Variants in PLAT observed in about 807,000 individuals in gnomAD.
The protein encoded by PLAT is plasminogen activator, tissue type.
Under a neutral mutation model 74.9 loss-of-function variants are expected in PLAT, and 48 were observed. The ratio of observed to expected loss-of-function variants is 0.64; its 90% CI spans 0.51 to 0.82. The LOEUF (loss-of-function observed/expected upper bound fraction) is 0.82, where lower values mean the gene tolerates loss of function less well. PLAT is among the 40% of genes least tolerant of loss of function. The pLI is 0.00. For missense variants in PLAT, 673 were observed against 736.2 expected, an observed-to-expected ratio of 0.91 and a Z score of 0.99; for synonymous variants, 307 against 294.4, an observed-to-expected ratio of 1.04 and a Z score of -0.44.
In PLAT at chr8:42,180,041, C is replaced by T. The variant is rs754261914; in HGVS notation, c.1248G>A (p.Ser416=). 2 of 1,608,664 alleles carry T rather than the reference C, an allele frequency of 1.2e-6. No individual in the cohort carries two copies. Among genetic ancestry groups the T allele is most frequent in the Non-Finnish European group, 1.7e-6 (2 of 1,176,724 alleles). The stretch of plus-strand genomic sequence containing the variant: ...CGCTGCTCTCCTGGGCACAGCGGGA[C>T]GAATCCGATTTCAGCTGCAGCAGCG... ...DIALLQLKSD[S]SRCAQESSVV... Residue 416 remains serine (S), a synonymous_variant, in exon 12 of 14, where the codon TCG becomes TCA. Transcript: ENST00000220809.
At chr8:42,192,680 A>T (rs1197844375) in intron 2 of PLAT, among the ~76,000 whole-genome samples, 1 of 152,250 alleles carries the variant, frequency 6.6e-6, no homozygotes, top group Non-Finnish European at 1.5e-5. Flanking sequence ...GGGTGTGCAT[A>T]GGATATGCAA....
chr8:42,175,924 C>A lies in PLAT; in HGVS notation c.*69G>T. On this transcript the variant is annotated 3_prime_UTR_variant, in exon 14 of 14. Coordinates refer to ENST00000220809, the MANE Select transcript of PLAT (RefSeq NM_000930.5). ...GAGAAGTCTGTAGAGAAGCACTGCG[C>A]CTTTGCAGTGTCTTCTGAAGAAGAA... 6.6e-7 allele frequency: 1 copy of A among 1,505,124 alleles called. No homozygotes were observed. The highest frequency in any genetic ancestry group is 9.2e-7 in the Non-Finnish European group (1 of 1,088,866). The allele number at this position is 1,505,124 out of a possible 1,614,324, so 93.2% of individuals were successfully genotyped here. A position where few individuals can be genotyped will look rare whatever the true frequency, so the allele number is the denominator to read the frequency against.
chr8:42,184,153 C>T (rs1276944484), intron 7 of PLAT, among the ~76,000 whole-genome samples: 1 of 151,844 alleles, frequency 6.6e-6, no homozygotes, highest in Non-Finnish European at 1.5e-5. Context: ...GTTGCCCAGG[C>T]TGGTCTCAAA....
intron 3 of PLAT, 110 bp from the exon 4 acceptor site, chr8:42,189,181 TG>T: frequency 9.5e-7 from 1 of 1,047,534 alleles, no homozygotes; most frequent in South Asian, 1.4e-5. Flanking sequence ...TAGACTCCAT[TG>T]CATACTCCCT....
At chr8:42,193,009 C>T (rs1805744396) in intron 2 of PLAT, 105 bp downstream of exon 2, 3 of 779,010 alleles carry the variant, frequency 3.9e-6, no homozygotes, top group Non-Finnish European at 6.8e-6. Flanking sequence ...CTCTCTGCTC[C>T]CTGACAGCAT....
At chr8:42,181,143 A>G (rs1805223634) in intron 9 of PLAT, among the ~76,000 whole-genome samples, 1 of 152,242 alleles carries the variant, frequency 6.6e-6, no homozygotes, top group African/African-American at 2.4e-5. Context: ...GCTTAGGGAC[A>G]CGGACCACTG....
In PLAT at chr8:42,189,084, A is replaced by G. The variant is rs1290157693; in HGVS notation, c.116-13T>C. ...TCTCTGCAGATCACTATGAGAAAAG[A>G]CAGGCCAGCCTCATCAGAGTATGAC... On this transcript the variant is annotated splice_polypyrimidine_tract_variant and intron_variant, in intron 3 of 13. Coordinates refer to ENST00000220809, the MANE Select transcript of PLAT (RefSeq NM_000930.5). The G allele has an allele frequency of 6.2e-7, 1 of 1,611,132 alleles. No individual in the cohort carries two copies. The highest frequency in any genetic ancestry group is 1.7e-5 in the Admixed American group (1 of 59,996).
At chr8:42,180,931 G>A (rs1805216059) in intron 9 of PLAT, among the ~76,000 whole-genome samples, 1 of 152,180 alleles carries the variant, frequency 6.6e-6, no homozygotes, top group South Asian at 2.1e-4. Context: ...TCCAAAACTG[G>A]GGATCTGCCA....
rs761504328 is a variant in PLAT, at chr8:42,181,991, G to A, written c.835C>T (p.His279Tyr). Residue 279 changes from histidine (H) to tyrosine (Y), a missense_variant, in exon 9 of 14, where the codon CAC (histidine) becomes TAC (tyrosine). Physicochemically the swap from His to Tyr is moderately conservative, Grantham distance 83. Coordinates refer to ENST00000220809, the MANE Select transcript of PLAT (RefSeq NM_000930.5). ...GTCAGCCTGCGGTTCTTCAGCACGTGGCACCAGGGCTTGGCATCCCCATCA... is the reference window on the plus strand; with the variant it reads ...GTCAGCCTGCGGTTCTTCAGCACGTAGCACCAGGGCTTGGCATCCCCATCA... ...NPDGDAKPWC[H>Y]VLKNRRLTWE... 1 of 1,611,438 alleles carries A rather than the reference G, an allele frequency of 6.2e-7. No homozygotes were observed. Among genetic ancestry groups the A allele is most frequent in the South Asian group, 1.1e-5 (1 of 91,016 alleles).
intron 13 of PLAT, 24 bp downstream of exon 13, chr8:42,178,873 C>G: frequency 6.2e-7 from 1 of 1,609,786 alleles, no homozygotes; most frequent in Non-Finnish European, 8.5e-7. Flanking sequence ...TTGTGCCCAG[C>G]ATGGGCGCGC....
In PLAT at chr8:42,176,122, C is replaced by G; in HGVS notation, c.1560G>C (p.Leu520=). ...QGDSGGPLVC[L]NDGRMTLVGI... ...CCACCAAAGTCATGCGGCCATCGTT[C>G]AGACACACCAGGGGGCCTCCCGAAT... The change falls in exon 14 of 14, where the codon CTG becomes CTC. Residue 520 remains leucine, a synonymous_variant. Coordinates refer to ENST00000220809, the MANE Select transcript of PLAT (RefSeq NM_000930.5). 7.4e-6 allele frequency: 12 copies of G among 1,613,946 alleles called. No homozygotes were observed. The highest frequency in any genetic ancestry group is 1.0e-5 in the Non-Finnish European group (12 of 1,179,924).
chr8:42,180,171 A>C, intron 11 of PLAT, 71 bp downstream of exon 11: 1 of 1,599,742 alleles, frequency 6.3e-7, no homozygotes, highest in Non-Finnish European at 8.5e-7. Context: ...CGTGTGTGTA[A>C]ACATAGGTGA....
At position 42,199,182 on chromosome 8, in the gene PLAT, G is replaced by A. The variant is rs146943208; in HGVS notation, c.-26-5971C>T. Among the ~76,000 whole-genome samples the A allele has an allele frequency of 1.8e-3, 272 of 152,306 alleles. 2 individuals are homozygous for A. Among genetic ancestry groups the A allele is most frequent in the African/African-American group, 5.9e-3 (245 of 41,558 alleles). ...TCACATAAGTAATTCTTAACTTTTCGAAAAGGTGATTTTCTATAGGCTAAA... is the reference window on the plus strand; with the variant it reads ...TCACATAAGTAATTCTTAACTTTTCAAAAAGGTGATTTTCTATAGGCTAAA... On this transcript the variant is annotated intron_variant, in intron 1 of 13. Transcript: ENST00000220809.
At chr8:42,187,349 T>C (rs1410228839) in intron 6 of PLAT, 49 bp downstream of exon 6, 1 of 1,479,142 alleles carries the variant, frequency 6.8e-7, no homozygotes, top group Non-Finnish European at 9.1e-7. Flanking sequence ...TTTCCCCAGC[T>C]GTAGCAGCTT....
chr8:42,185,003 AG>A, intron 7 of PLAT, 77 bp downstream of exon 7: 1 of 910,822 alleles, frequency 1.1e-6, no homozygotes, highest in East Asian at 2.6e-5. Flanking sequence ...CCTCAGGTGC[AG>A]GAGGGCTATC....
chr8:42,201,284 T>C (rs1806120023), intron 1 of PLAT, among the ~76,000 whole-genome samples: 2 of 152,248 alleles, frequency 1.3e-5, no homozygotes, highest in Non-Finnish European at 2.9e-5. Flanking sequence ...TCCTGGTTTT[T>C]GTCATGGGCT....
chr8:42,190,612 T>G (rs775470508), intron 3 of PLAT, among the ~76,000 whole-genome samples: 3 of 152,144 alleles, frequency 2.0e-5, no homozygotes, highest in Non-Finnish European at 4.4e-5. Context: ...ACGAAGGCAT[T>G]AAGAGTCCAG....
chr8:42,190,431 T>C (rs887227388), intron 3 of PLAT, among the ~76,000 whole-genome samples: 9 of 152,194 alleles, frequency 5.9e-5, no homozygotes, highest in Non-Finnish European at 1.3e-4. Flanking sequence ...CTCCCATTAA[T>C]ATTTTCATGC....
intron 8 of PLAT, 79 bp downstream of exon 8, chr8:42,182,640 G>A: frequency 9.0e-6 from 10 of 1,106,660 alleles, no homozygotes; most frequent in Non-Finnish European, 1.0e-5. Flanking sequence ...TGCAACTTGA[G>A]ACATTGGATC....
Sources: gnomAD v4.1 joint callset for allele counts (sites outside exome capture counted in the v4.1 genomes callset) on GRCh38, gnomAD v4.1.1 for gene constraint, MANE v1.5 for transcripts, NCBI Gene and HGNC (gene_info 2026-07-23, HGNC 2026-07-21) for gene names.